Variants in ATG9A observed in about 807,000 individuals in gnomAD.
ATG9A encodes autophagy related 9A.
Under a neutral mutation model 87.1 loss-of-function variants are expected in ATG9A, and 21 were observed. The observed-to-expected ratio is 0.24, with a 90% CI of 0.17 to 0.35. The LOEUF is 0.35. Among genes scored for constraint, ATG9A ranks in the 10% least tolerant of loss-of-function variants. ATG9A has a pLI of 1.00. For missense variants in ATG9A, 836 were observed against 1,107.3 expected (o/e 0.76, Z 3.48); for synonymous variants, 422 against 441.3 (o/e 0.96, Z 0.55).
intron 13 of ATG9A, among the ~76,000 whole-genome samples, chr2:219,221,616 A>G (rs543169943): frequency 2.6e-4 from 40 of 152,308 alleles, no homozygotes; most frequent in African/African-American, 9.1e-4. Context: ...CAAAACAGAC[A>G]GAAATGCCAG....
chr2:219,220,512 GC>G, intron 15 of ATG9A, 60 bp from the exon 16 acceptor site: 1 of 1,604,034 alleles, frequency 6.2e-7, no homozygotes, highest in Admixed American at 1.7e-5. Context: ...ATACCTGCTA[GC>G]CCCATAGAAA....
intron 4 of ATG9A, 148 bp downstream of exon 4, chr2:219,227,622 T>C (rs1404468454): frequency 1.1e-6 from 1 of 927,808 alleles, no homozygotes; most frequent in Non-Finnish European, 1.7e-6. Context: ...TACTTAACGA[T>C]GATTTCACCA....
chr2:219,221,571 A>G (rs1950760186), intron 13 of ATG9A, among the ~76,000 whole-genome samples: 1 of 152,218 alleles, frequency 6.6e-6, no homozygotes, highest in Non-Finnish European at 1.5e-5. Context: ...TCTAAGTGCC[A>G]GGCACTCTTT....
At position 219,220,388 on chromosome 2, in the gene ATG9A, G is replaced by T; in HGVS notation, c.*59C>A. 2.5e-6 allele frequency: 4 copies of T among 1,599,270 alleles called. No homozygotes were observed. Among genetic ancestry groups the T allele is most frequent in the Non-Finnish European group, 3.4e-6 (4 of 1,167,940 alleles). ...AGGAGCCGTCCCATGGCAGGCAGAC[G>T]GGATGGCAGGGCAGCGGTGGCCTCC... On this transcript the variant is annotated 3_prime_UTR_variant, in exon 16 of 16. Transcript: ENST00000361242.
intron 15 of ATG9A, 136 bp downstream of exon 15, chr2:219,220,611 G>C: frequency 6.8e-7 from 1 of 1,478,204 alleles, no homozygotes; most frequent in South Asian, 1.2e-5. Context: ...AGAAAAGAAG[G>C]GGTAGTGTGT....
intron 4 of ATG9A, among the ~76,000 whole-genome samples, chr2:219,227,148 T>C (rs529848236): frequency 3.3e-5 from 5 of 152,368 alleles, no homozygotes; most frequent in African/African-American, 9.6e-5. Flanking sequence ...AGATAATGCA[T>C]GTAAAGCATT....
intron 15 of ATG9A, 26 bp from the exon 16 acceptor site, chr2:219,220,478 G>C (rs1318739599): frequency 6.2e-7 from 1 of 1,613,474 alleles, no homozygotes; most frequent in Non-Finnish European, 8.5e-7. Flanking sequence ...GTTGGTAATG[G>C]AGATAGTCTT....
Position 219,229,523 on chromosome 2 carries a change from C to G in ATG9A, c.-82+12G>C, listed in dbSNP as rs1010574809. On this transcript the variant is annotated intron_variant, in intron 1 of 15. Coordinates refer to ENST00000361242, the MANE Select transcript of ATG9A (RefSeq NM_001077198.3). This position sits in a 1 kb window ranked among gnomAD's most constrained non-coding sequence, Gnocchi z 4.2. ...GGGGCCTGGGATTCCAATAACCGGT[C>G]TCACGTCTTACCTCAGGAACAGCGA... is the stretch of plus-strand genomic sequence containing the variant. 1 of 152,664 alleles carries G rather than the reference C, an allele frequency of 6.6e-6. No individual in the cohort carries two copies. Among genetic ancestry groups the G allele is most frequent in the African/African-American group, 2.4e-5 (1 of 41,456 alleles). The allele number at this position is 152,664 out of a possible 1,614,324, so 9.5% of individuals were successfully genotyped here. A position where few individuals can be genotyped will look rare whatever the true frequency, so the allele number is the denominator to read the frequency against.
rs943320455 is a variant in ATG9A at position 219,224,638 on chromosome 2, G to A, written c.733C>T (p.Arg245Cys). The A allele has an allele frequency of 4.3e-6, 7 of 1,614,102 alleles. No individual in the cohort carries two copies. Among genetic ancestry groups the A allele is most frequent in the South Asian group, 2.2e-5 (2 of 91,078 alleles). The change falls in exon 8 of 16, where the codon CGT becomes TGT. Residue 245 changes from arginine to cysteine, a missense_variant. This residue lies in a region of ATG9A where 512 missense variants were observed against 759.6 expected (regional missense o/e 0.67). Transcript: ENST00000361242. This position sits in a 1 kb window ranked among gnomAD's most constrained non-coding sequence, Gnocchi z 7.7. ...PGLGEAVFFT[R>C]GLKYNFELIL... ...AGCTCAAAGTTGTACTTGAGACCAC[G>A]GGTGAAGAAGACAGCTTCCCCGAGG... is the stretch of plus-strand genomic sequence containing the variant.
At position 219,223,497 on chromosome 2, in the gene ATG9A, C is replaced by T; in HGVS notation, c.1599+88G>A. 2 of 1,430,364 alleles carry T rather than the reference C, an allele frequency of 1.4e-6. No individual in the cohort carries two copies. Among genetic ancestry groups the T allele is most frequent in the Non-Finnish European group, 1.9e-6 (2 of 1,064,784 alleles). 88.6% of individuals were successfully genotyped at this position (1,430,364 alleles called of 1,614,324 possible). On this transcript the variant is annotated intron_variant, in intron 10 of 15. Transcript: ENST00000361242. The surrounding 1 kb of genome is among the most constrained non-coding windows in gnomAD (Gnocchi z 4.7). ...GGTATAGGACTGCCTTTGTGTGACT[C>T]AGGAGAGGTGTCTTTTTGCGGTTTT...
In ATG9A at chr2:219,224,364, C is replaced by T; in HGVS notation, c.1007G>A (p.Gly336Asp). ...GTTGAAGTGGCGGAGGTAGCAGCGG[C>T]CATAGAGTGACCAGCAGCGTGCTCC... ...ALGARCWSLY[G>D]RCYLRHFNEL... The change falls in exon 8 of 16, where the codon GGC (glycine) becomes GAC (aspartate). Residue 336 changes from glycine (G) to aspartate (D), a missense_variant. Physicochemically the swap from Gly to Asp is moderately conservative, Grantham distance 94 (BLOSUM62 -1). Transcript: ENST00000361242. The surrounding 1 kb of genome is among the most constrained non-coding windows in gnomAD (Gnocchi z 7.7). 6.2e-7 allele frequency: 1 copy of T among 1,613,748 alleles called. No individual in the cohort carries two copies. The highest frequency in any genetic ancestry group is 8.5e-7 in the Non-Finnish European group (1 of 1,180,012).
Position 219,223,961 on chromosome 2 carries a change from C to A in ATG9A, c.1327G>T (p.Ala443Ser), listed in dbSNP as rs761625801. Reference protein sequence around the residue: ...CPEQLLRVILAHIHYMPDHWQ... With the variant: ...CPEQLLRVILSHIHYMPDHWQ... Reference sequence around the variant, plus strand: ...TGGTCAGGCATGTAGTGGATGTGAGCGAGGATCACGCGGAGCAGCTGCTCA... The same window carrying A: ...TGGTCAGGCATGTAGTGGATGTGAGAGAGGATCACGCGGAGCAGCTGCTCA... Residue 443 changes from alanine to serine, a missense_variant, in exon 9 of 16, where the codon GCT becomes TCT. This residue lies in a region of ATG9A where 512 missense variants were observed against 759.6 expected (regional missense o/e 0.67). Coordinates refer to ENST00000361242, the MANE Select transcript of ATG9A (RefSeq NM_001077198.3). This position sits in a 1 kb window ranked among gnomAD's most constrained non-coding sequence, Gnocchi z 4.7. 1 of 1,614,050 alleles carries A rather than the reference C, an allele frequency of 6.2e-7. No homozygotes were observed. Among genetic ancestry groups the A allele is most frequent in the Non-Finnish European group, 8.5e-7 (1 of 1,179,970 alleles).
intron 5 of ATG9A, 48 bp from the exon 6 acceptor site, chr2:219,225,620 C>T: frequency 2.5e-6 from 4 of 1,580,600 alleles, no homozygotes; most frequent in Non-Finnish European, 3.5e-6. Context: ...AGAGAGGCTC[C>T]AGTGAAACCC....
chr2:219,220,762 G>A lies in ATG9A; in HGVS notation c.2499C>T (p.Pro833=), dbSNP rs560644377. 18 of 1,613,292 alleles carry A rather than the reference G, an allele frequency of 1.1e-5. No individual in the cohort carries two copies. In the South Asian group the frequency reaches 2.0e-4, roughly 18 times the overall value. ...GGGCCCTTACCTTGTGCACCTGAGG[G>A]GGTAGCTCATCCTCCGAGCCCTCTT... The part of the protein sequence containing the change: ...VPEEGSEDEL[P]PQVHKV Residue 833 remains proline, a synonymous_variant, in exon 15 of 16, where the codon CCC becomes CCT. Transcript: ENST00000361242.
chr2:219,224,394 G>A lies in ATG9A; in HGVS notation c.977C>T (p.Ala326Val). 6.2e-7 allele frequency: 1 copy of A among 1,613,952 alleles called. No homozygotes were observed. The change falls in exon 8 of 16, where the codon GCC becomes GTC. Residue 326 changes from alanine (A) to valine (V), a missense_variant. Around this residue, in one of 2 missense-constraint regions of ATG9A, gnomAD observed 512 missense variants for 759.6 expected, o/e 0.67. Coordinates refer to ENST00000361242, the MANE Select transcript of ATG9A (RefSeq NM_001077198.3). This position sits in a 1 kb window ranked among gnomAD's most constrained non-coding sequence, Gnocchi z 7.7. ...YAEVLKREPGALGARCWSLYG... is the reference protein window; with the variant it reads ...YAEVLKREPGVLGARCWSLYG... ...GAGTGACCAGCAGCGTGCTCCCAGGGCCCCCGGCTCCCGCTTCAGCACCTC... is the reference window on the plus strand; with the variant it reads ...GAGTGACCAGCAGCGTGCTCCCAGGACCCCCGGCTCCCGCTTCAGCACCTC...
chr2:219,222,725 C>T lies in ATG9A; in HGVS notation c.1768G>A (p.Ala590Thr). 1.2e-6 allele frequency: 2 copies of T among 1,614,234 alleles called. No homozygotes were observed. Reference sequence around the variant, plus strand: ...AGACCCCCTTGGGCGAGGCTAGCAGCTGCTCCATCCCGCTGAACCTGCTCC... The same window carrying T: ...AGACCCCCTTGGGCGAGGCTAGCAGTTGCTCCATCCCGCTGAACCTGCTCC... The part of the protein sequence containing the change: ...LKEQVQRDGA[A>T]ASLAQGGLLP... The change falls in exon 11 of 16, where the codon GCT becomes ACT. Residue 590 changes from alanine (A) to threonine (T), a missense_variant. Coordinates refer to ENST00000361242, the MANE Select transcript of ATG9A (RefSeq NM_001077198.3). The surrounding 1 kb of genome is among the most constrained non-coding windows in gnomAD (Gnocchi z 4.3).
Position 219,225,137 on chromosome 2 carries a change from G to T in ATG9A, c.450C>A (p.Phe150Leu), listed in dbSNP as rs1950835737. The T allele has an allele frequency of 6.2e-7, 1 of 1,614,176 alleles. No individual in the cohort carries two copies. The highest frequency in any genetic ancestry group is 2.2e-5 in the East Asian group (1 of 44,880). The change falls in exon 7 of 16, where the codon TTC becomes TTA. Residue 150 changes from phenylalanine (F) to leucine (L), a missense_variant. Coordinates refer to ENST00000361242, the MANE Select transcript of ATG9A (RefSeq NM_001077198.3). ...GVFWIHRLIK[F>L]IYNICCYWEI... is the part of the protein sequence containing the mutation. ...CCCAGTAGCAGCAAATGTTATAGAT[G>T]AACTTGATAAGCCGGTGGATCCAGA...
chr2:219,222,253 T>C lies in ATG9A; in HGVS notation c.2027+19A>G. ...CTGAGGGCTGCCGTGCCCTCCCATC[T>C]TGGCCCCGATTTACTCACCCAGAGC... On this transcript the variant is annotated intron_variant, in intron 12 of 15. Coordinates refer to ENST00000361242, the MANE Select transcript of ATG9A (RefSeq NM_001077198.3). This position sits in a 1 kb window ranked among gnomAD's most constrained non-coding sequence, Gnocchi z 4.3. The C allele has an allele frequency of 1.2e-6, 2 of 1,613,478 alleles. No individual in the cohort carries two copies. Among genetic ancestry groups the C allele is most frequent in the South Asian group, 2.2e-5 (2 of 91,074 alleles).
chr2:219,222,964 G>C lies in ATG9A; in HGVS notation c.1600-71C>G. 1 of 1,586,564 alleles carries C rather than the reference G, an allele frequency of 6.3e-7. No homozygotes were observed. The highest frequency in any genetic ancestry group is 8.6e-7 in the Non-Finnish European group (1 of 1,166,238). On this transcript the variant is annotated intron_variant, in intron 10 of 15. Coordinates refer to ENST00000361242, the MANE Select transcript of ATG9A (RefSeq NM_001077198.3). The surrounding 1 kb of genome is among the most constrained non-coding windows in gnomAD (Gnocchi z 4.3). ...GCCTTCCTGCACCTTTCCTGTTAGT[G>C]GGGAGGCCTTACCCTTGGAGAACGG...
Sources: allele counts gnomAD v4.1 joint callset (sites outside exome capture counted in the v4.1 genomes callset), GRCh38; gene constraint gnomAD v4.1.1; regional missense constraint gnomAD v4.1.1; non-coding constraint Gnocchi (gnomAD v3.1); transcripts MANE v1.5; gene names NCBI Gene and HGNC (gene_info 2026-07-23, HGNC 2026-07-21).